DOCK4: variants seen among roughly 807,000 people sequenced by gnomAD.
DOCK4 encodes the protein dedicator of cytokinesis 4, also known as dedicator of cytokinesis protein 4.
Under a neutral mutation model 268.1 loss-of-function variants are expected in DOCK4, and 97 were observed. The observed-to-expected ratio is 0.36, with a 90% CI of 0.31 to 0.43. DOCK4 has a LOEUF of 0.43. DOCK4 is among the 20% of genes least tolerant of loss of function. The pLI is 1.00. For synonymous variants in DOCK4, 954 were observed against 887.2 expected (o/e 1.08, Z -1.34); for missense variants, 2,145 against 2,455.7 (o/e 0.87, Z 2.67).
At chr7:112,038,284 T>C (rs1288317657) in intron 1 of DOCK4, among the ~76,000 whole-genome samples, 1 of 152,224 alleles carries the variant, frequency 6.6e-6, no homozygotes, top group Non-Finnish European at 1.5e-5. Flanking sequence ...GTAAAGCCAT[T>C]ATTTGTTGTT....
At chr7:111,780,817 T>C (rs1798744439) in intron 35 of DOCK4, among the ~76,000 whole-genome samples, 1 of 152,026 alleles carries the variant, frequency 6.6e-6, no homozygotes, top group Admixed American at 6.5e-5. Context: ...CCATGTGGAG[T>C]AGAGGCTAAA....
chr7:111,753,032 T>C (rs900063164), intron 42 of DOCK4, among the ~76,000 whole-genome samples: 26 of 119,386 alleles, frequency 2.2e-4, no homozygotes, highest in African/African-American at 8.0e-4. Context: ...ATTTAGAAAA[T>C]AAAGGTCCCC....
At chr7:112,096,108 T>A (rs1416902253) in intron 1 of DOCK4, among the ~76,000 whole-genome samples, 2 of 152,066 alleles carry the variant, frequency 1.3e-5, no homozygotes, top group African/African-American at 4.8e-5. Flanking sequence ...AATAAATAAA[T>A]AATTAAATAG....
chr7:112,061,352 T>G (rs1004185999), intron 1 of DOCK4, among the ~76,000 whole-genome samples: 3 of 152,226 alleles, frequency 2.0e-5, no homozygotes, highest in Admixed American at 2.0e-4. Flanking sequence ...GTCACAGAAT[T>G]AAACCACACA....
chr7:111,770,405 ATCT>A lies in DOCK4; in HGVS notation c.3680-731_3680-729del, dbSNP rs566374064. 1.1e-3 allele frequency among the ~76,000 whole-genome samples: 173 copies of A among 152,134 alleles called. 1 individual carries two copies. The highest frequency in any genetic ancestry group is 9.6e-3 in the South Asian group (46 of 4,812). ...TGCCTTGCCCCAGATGGCCCCACAA[ATCT>A]TCTGTAAAGAATACTGATATCATTA... On this transcript the variant is annotated intron_variant, in intron 36 of 52. Transcript: ENST00000428084.
intron 30 of DOCK4, among the ~76,000 whole-genome samples, chr7:111,804,738 T>C (rs1264406013): frequency 6.6e-6 from 1 of 152,068 alleles, no homozygotes; most frequent in Non-Finnish European, 1.5e-5. Context: ...TAGCTAGGAT[T>C]ACAGGCATAT....
intron 13 of DOCK4, among the ~76,000 whole-genome samples, chr7:111,910,669 C>T (rs1792022704): frequency 6.6e-6 from 1 of 152,186 alleles, no homozygotes. Context: ...AAATGATGTT[C>T]CTACTGGAAA....
At chr7:111,841,514 A>G (rs932299779) in intron 25 of DOCK4, among the ~76,000 whole-genome samples, 4 of 152,152 alleles carry the variant, frequency 2.6e-5, no homozygotes, top group Admixed American at 2.6e-4. Flanking sequence ...AACTTGACCA[A>G]CATCACAGAG....
chr7:112,159,208 C>A (rs1816872693), intron 1 of DOCK4, among the ~76,000 whole-genome samples: 1 of 152,164 alleles, frequency 6.6e-6, no homozygotes, highest in Admixed American at 6.6e-5. Flanking sequence ...CAAAACCCTA[C>A]CACCATCTCA....
At chr7:111,746,308 A>AG (rs1159276466) in intron 44 of DOCK4, 26 bp downstream of exon 44, 1 of 1,595,200 alleles carries the variant, frequency 6.3e-7, no homozygotes, top group East Asian at 2.2e-5. Context: ...GCAAAATAGA[A>AG]GGGGGTTGGC....
chr7:112,153,012 C>T (rs1343418302), intron 1 of DOCK4, among the ~76,000 whole-genome samples: 1 of 152,150 alleles, frequency 6.6e-6, no homozygotes, highest in Non-Finnish European at 1.5e-5. Context: ...ATGCCAATGT[C>T]ACTTTCAAAA....
chr7:111,881,382 C>T (rs1291992828), intron 16 of DOCK4, among the ~76,000 whole-genome samples: 1 of 152,198 alleles, frequency 6.6e-6, no homozygotes, highest in Non-Finnish European at 1.5e-5. Flanking sequence ...GATATCATCT[C>T]ACCCCAGGTA....
At chr7:112,062,383 G>C (rs1806501077) in intron 1 of DOCK4, among the ~76,000 whole-genome samples, 2 of 152,150 alleles carry the variant, frequency 1.3e-5, no homozygotes, top group Admixed American at 6.5e-5. Flanking sequence ...ACAATTCTAA[G>C]GGACGGTTCA....
chr7:111,871,117 T>G (rs972749975), intron 20 of DOCK4, among the ~76,000 whole-genome samples: 16 of 152,174 alleles, frequency 1.1e-4, no homozygotes, highest in African/African-American at 3.9e-4. Context: ...CCTTTATATA[T>G]TACATAGATG....
chr7:111,955,061 A>C (rs560809034), intron 8 of DOCK4, among the ~76,000 whole-genome samples: 1 of 152,330 alleles, frequency 6.6e-6, no homozygotes, highest in South Asian at 2.1e-4. Context: ...GTTTTATGAT[A>C]GTCATGTATA....
At position 112,156,254 on chromosome 7, in the gene DOCK4, T is replaced by C. The variant is rs561873744; in HGVS notation, c.37+49848A>G. 5.9e-5 allele frequency among the ~76,000 whole-genome samples: 9 copies of C among 152,342 alleles called. No homozygotes were observed. The South Asian group carries it at 1.7e-3, about 28-fold the overall frequency. On this transcript the variant is annotated intron_variant, in intron 1 of 52. Transcript: ENST00000428084. ...ACAGACACTGTAAAAATTAGTTCTC[T>C]CTTCAGTCCTCCTTCATCCTTCTCA... is the stretch of plus-strand genomic sequence containing the variant.
chr7:112,194,701 G>T (rs10250322), intron 1 of DOCK4, among the ~76,000 whole-genome samples: 4,826 of 152,178 alleles, frequency 0.032, 239 homozygotes, highest in African/African-American at 0.11. Flanking sequence ...GCTAATTTAA[G>T]AAATTACTAG....
At chr7:112,066,676 C>T (rs200928188) in intron 1 of DOCK4, among the ~76,000 whole-genome samples, 1,483 of 51,836 alleles carry the variant, frequency 0.029, 185 homozygotes, top group African/African-American at 0.15. Context: ...TATACATATA[C>T]ATATATACAT....
At chr7:111,769,957 G>C (rs1798017144) in intron 36 of DOCK4, among the ~76,000 whole-genome samples, 1 of 151,928 alleles carries the variant, frequency 6.6e-6, no homozygotes, top group African/African-American at 2.4e-5. Flanking sequence ...ATGTCTGTAT[G>C]CTACAGTATA....
Sources: gnomAD v4.1 joint callset for allele counts (sites outside exome capture counted in the v4.1 genomes callset) on GRCh38, gnomAD v4.1.1 for gene constraint, MANE v1.5 for transcripts, NCBI Gene and HGNC (gene_info 2026-07-23, HGNC 2026-07-21) for gene names.